The following KCNQ1 variants were observed in gnomAD, a reference collection of about 807,000 sequenced individuals.
KCNQ1 encodes potassium voltage-gated channel subfamily Q member 1, also known as potassium voltage-gated channel subfamily KQT member 1.
A neutral mutation model predicts 72.4 loss-of-function variants in KCNQ1; 49 were observed. The ratio of observed to expected loss-of-function variants is 0.68; its 90% CI spans 0.54 to 0.86. The LOEUF (loss-of-function observed/expected upper bound fraction) is 0.86, where lower values mean the gene tolerates loss of function less well. KCNQ1 is among the 40% of genes least tolerant of loss of function. The probability of loss-of-function intolerance (pLI) is 0.00; values close to 1 mark genes in which losing one functional copy is unlikely to be tolerated. For missense variants in KCNQ1, 790 were observed against 945.1 expected, an observed-to-expected ratio of 0.84 and a Z score of 2.15; for synonymous variants, 450 against 412.6, an observed-to-expected ratio of 1.09 and a Z score of -1.10.
rs912534147 is a variant in KCNQ1 at position 2,734,836 on chromosome 11, G to A, written c.1515-34008G>A. ...CTCAGTTTCCCCCACTGTGAAATAG[G>A]GATGACCTCCTGTGCTGGGGCCTGG... On this transcript the variant is annotated intron_variant, in intron 11 of 15. Coordinates refer to ENST00000155840, the MANE Select transcript of KCNQ1 (RefSeq NM_000218.3). This position sits in a 1 kb window ranked among gnomAD's most constrained non-coding sequence, Gnocchi z 7.0. 1.3e-5 allele frequency among the ~76,000 whole-genome samples: 2 copies of A among 152,050 alleles called. No homozygotes were observed. Among genetic ancestry groups the A allele is most frequent in the African/African-American group, 4.8e-5 (2 of 41,416 alleles).
chr11:2,579,013 G>T lies in KCNQ1; in HGVS notation c.922-4422G>T, dbSNP rs570745039. ...CACCTCTGGGCTACCCCCTCCTCCC[G>T]CTCTTGACCACCCCTTCCTCTGGAC... On this transcript the variant is annotated intron_variant, in intron 6 of 15. Coordinates refer to ENST00000155840, the MANE Select transcript of KCNQ1 (RefSeq NM_000218.3). The surrounding 1 kb of genome is among the most constrained non-coding windows in gnomAD (Gnocchi z 6.0). 6.6e-6 allele frequency among the ~76,000 whole-genome samples: 1 copy of T among 152,238 alleles called. No homozygotes were observed. The highest frequency in any genetic ancestry group is 2.1e-4 in the South Asian group (1 of 4,826).
intron 15 of KCNQ1, among the ~76,000 whole-genome samples, chr11:2,790,217 T>C (rs1590089344): frequency 1.3e-5 from 2 of 152,184 alleles, no homozygotes; most frequent in East Asian, 3.9e-4. Flanking sequence ...GAGAAGCCTG[T>C]CTGATGTGGC....
At chr11:2,504,492 A>C (rs192293983) in intron 1 of KCNQ1, among the ~76,000 whole-genome samples, 32 of 152,356 alleles carry the variant, frequency 2.1e-4, no homozygotes, top group African/African-American at 5.8e-4. Flanking sequence ...ACAGTGGCTC[A>C]CAGCTGTAAT....
Position 2,645,791 on chromosome 11 carries a change from G to T in KCNQ1, c.1394-16170G>T, listed in dbSNP as rs1590002248. ...GTGGGGCCCACAGCAGATGCAGTCT[G>T]GTGGGGGTTGGGCTATCAAAATGGG... On this transcript the variant is annotated intron_variant, in intron 10 of 15. Coordinates refer to ENST00000155840, the MANE Select transcript of KCNQ1 (RefSeq NM_000218.3). The surrounding 1 kb of genome is among the most constrained non-coding windows in gnomAD (Gnocchi z 5.8). 18 of 398,732 alleles carry T rather than the reference G, an allele frequency of 4.5e-5. No homozygotes were observed. The East Asian group carries it at 6.4e-4, about 14-fold the overall frequency. 24.7% of individuals were successfully genotyped at this position (398,732 alleles called of 1,614,324 possible).
At chr11:2,629,908 T>C in intron 10 of KCNQ1, 1 of 398,422 alleles carries the variant, frequency 2.5e-6, no homozygotes, top group South Asian at 1.3e-4. Context: ...TTTGAGTGTA[T>C]TTATTTATTT....
chr11:2,842,637 C>T (rs1039584759), intron 15 of KCNQ1, among the ~76,000 whole-genome samples: 3 of 152,236 alleles, frequency 2.0e-5, no homozygotes, highest in Admixed American at 2.0e-4. Flanking sequence ...GTCTCCCACA[C>T]TCATACAGCC....
chr11:2,781,221 A>G lies in KCNQ1; in HGVS notation c.1794+3184A>G, dbSNP rs1363118799. 5.9e-5 allele frequency among the ~76,000 whole-genome samples: 9 copies of G among 152,200 alleles called. No individual in the cohort carries two copies. The highest frequency in any genetic ancestry group is 1.2e-4 in the Non-Finnish European group (8 of 68,042). ...GACTCTTATTTGCTCAAATGCCCACATAAATCCTCTTTTACAGATGGGGAA... is the reference window on the plus strand; with the variant it reads ...GACTCTTATTTGCTCAAATGCCCACGTAAATCCTCTTTTACAGATGGGGAA... On this transcript the variant is annotated intron_variant, in intron 15 of 15. Coordinates refer to ENST00000155840, the MANE Select transcript of KCNQ1 (RefSeq NM_000218.3). The surrounding 1 kb of genome is among the most constrained non-coding windows in gnomAD (Gnocchi z 6.6).
chr11:2,692,951 C>T (rs1850612690), intron 11 of KCNQ1: 1 of 398,572 alleles, frequency 2.5e-6, no homozygotes, highest in Non-Finnish European at 4.4e-6. Context: ...TGCCCATACG[C>T]TCAATAATGA....
chr11:2,648,877 G>T (rs1349281964), intron 10 of KCNQ1: 1 of 398,014 alleles, frequency 2.5e-6, no homozygotes, highest in African/African-American at 2.1e-5. Flanking sequence ...TAATATACCT[G>T]GGTACTCCAG....
intron 10 of KCNQ1, chr11:2,633,716 T>A (rs564144735): frequency 2.5e-6 from 1 of 398,502 alleles, no homozygotes; most frequent in African/African-American, 2.1e-5. Flanking sequence ...TCTGTTCCAT[T>A]GGTCTATATG....
In KCNQ1 at chr11:2,471,808, G is replaced by A. The variant is rs1340693012; in HGVS notation, c.386+26324G>A. On this transcript the variant is annotated intron_variant, in intron 1 of 15. Coordinates refer to ENST00000155840, the MANE Select transcript of KCNQ1 (RefSeq NM_000218.3). This position sits in a 1 kb window ranked among gnomAD's most constrained non-coding sequence, Gnocchi z 4.8. ...TGGGTGTGTGCATGTGTATATAGGTGTGTGTGCACGTGTATGGGTGCGTGT... is the reference window on the plus strand; with the variant it reads ...TGGGTGTGTGCATGTGTATATAGGTATGTGTGCACGTGTATGGGTGCGTGT... 6.6e-6 allele frequency among the ~76,000 whole-genome samples: 1 copy of A among 151,994 alleles called. No homozygotes were observed. Among genetic ancestry groups the A allele is most frequent in the African/African-American group, 2.4e-5 (1 of 41,386 alleles).
intron 1 of KCNQ1, among the ~76,000 whole-genome samples, chr11:2,476,818 C>G (rs1361267571): frequency 6.6e-6 from 1 of 152,174 alleles, no homozygotes; most frequent in African/African-American, 2.4e-5. Context: ...TCCCAAGTAG[C>G]TGGGTTTACG....
chr11:2,570,763 T>C lies in KCNQ1; in HGVS notation c.604+9T>C, dbSNP rs758164749. Reference sequence around the variant, plus strand: ...GCCCATTTCCATCATCGGTGAGTCATGCCTGCCCTGTGGAGGTCACGCCCA... The same window carrying C: ...GCCCATTTCCATCATCGGTGAGTCACGCCTGCCCTGTGGAGGTCACGCCCA... On this transcript the variant is annotated intron_variant, in intron 3 of 15. Coordinates refer to ENST00000155840, the MANE Select transcript of KCNQ1 (RefSeq NM_000218.3). 6 of 1,609,852 alleles carry C rather than the reference T, an allele frequency of 3.7e-6. No individual in the cohort carries two copies. The Admixed American group carries it at 1.0e-4, about 27-fold the overall frequency.
intron 15 of KCNQ1, among the ~76,000 whole-genome samples, chr11:2,821,838 C>T (rs535891558): frequency 6.6e-6 from 1 of 152,294 alleles, no homozygotes; most frequent in Non-Finnish European, 1.5e-5. Context: ...CTCTGCACAC[C>T]CCCACCCCAG....
chr11:2,685,204 G>C (rs1358829523), intron 11 of KCNQ1: 1 of 398,486 alleles, frequency 2.5e-6, no homozygotes, highest in Non-Finnish European at 4.4e-6. Flanking sequence ...GGGATGGCTG[G>C]CACAGCTCAC....
chr11:2,717,791 A>C (rs1002888660), intron 11 of KCNQ1, among the ~76,000 whole-genome samples: 7 of 152,198 alleles, frequency 4.6e-5, no homozygotes, highest in African/African-American at 1.7e-4. Context: ...AAAGCAGCTC[A>C]CAGCGGCTGG....
At chr11:2,476,206 C>G (rs548584065) in intron 1 of KCNQ1, among the ~76,000 whole-genome samples, 6 of 152,256 alleles carry the variant, frequency 3.9e-5, no homozygotes, top group African/African-American at 1.2e-4. Context: ...TGATCATATA[C>G]TAGACTGCAA....
rs1850151015 is a variant in KCNQ1, at chr11:2,669,969, C to T, written c.1514+7888C>T. On this transcript the variant is annotated intron_variant, in intron 11 of 15. Transcript: ENST00000155840. This position sits in a 1 kb window ranked among gnomAD's most constrained non-coding sequence, Gnocchi z 5.6. ...GAGGGAAGGGAAGTCTAGAGGTCCC[C>T]AAGTCACAACCTCAAATCTCGGAAT... The T allele has an allele frequency of 1.5e-5, 6 of 398,570 alleles. No homozygotes were observed. The Admixed American group carries it at 2.6e-4, about 18-fold the overall frequency. The allele number at this position is 398,570 out of a possible 1,614,324, so 24.7% of individuals were successfully genotyped here.
chr11:2,835,377 A>G (rs1420342911), intron 15 of KCNQ1, among the ~76,000 whole-genome samples: 1 of 145,816 alleles, frequency 6.9e-6, no homozygotes, highest in Non-Finnish European at 1.5e-5. Flanking sequence ...TCCTGTAGAC[A>G]CCTGCATATA....
Sources: allele counts gnomAD v4.1 joint callset (sites outside exome capture counted in the v4.1 genomes callset), GRCh38; gene constraint gnomAD v4.1.1; non-coding constraint Gnocchi (gnomAD v3.1); transcripts MANE v1.5; gene names NCBI Gene and HGNC (gene_info 2026-07-23, HGNC 2026-07-21).